The following TMTC2 variants were observed in gnomAD, a reference collection of about 807,000 sequenced individuals.
TMTC2 encodes the protein transmembrane O-mannosyltransferase targeting cadherins 2, also known as protein O-mannosyl-transferase TMTC2.
Under a neutral mutation model 82.4 loss-of-function variants are expected in TMTC2, and 43 were observed. The observed-to-expected ratio is 0.52, with a 90% confidence interval of 0.41 to 0.67. The LOEUF (loss-of-function observed/expected upper bound fraction) is 0.67. Ranked by LOEUF, TMTC2 falls within the 30% of genes least tolerant of loss-of-function variation. TMTC2 has a pLI of 0.00. For missense variants in TMTC2, 919 were observed against 1,012.4 expected, an observed-to-expected ratio of 0.91 and a Z score of 1.25; for synonymous variants, 408 against 381.9, an observed-to-expected ratio of 1.07 and a Z score of -0.80.
intron 1 of TMTC2, among the ~76,000 whole-genome samples, chr12:82,713,127 G>A (rs757751450): frequency 1.4e-4 from 21 of 151,978 alleles, no homozygotes; most frequent in South Asian, 4.2e-4. Context: ...CGAGACCAGC[G>A]TGACCAACAT....
At chr12:82,948,895 T>G (rs887558133) in intron 4 of TMTC2, among the ~76,000 whole-genome samples, 1 of 152,124 alleles carries the variant, frequency 6.6e-6, no homozygotes, top group African/African-American at 2.4e-5. Flanking sequence ...TGAACAAACT[T>G]GTTTAAGTTA....
chr12:82,840,878 C>T (rs908643463), intron 1 of TMTC2, among the ~76,000 whole-genome samples: 1 of 152,198 alleles, frequency 6.6e-6, no homozygotes. Context: ...ATTCCAGGTT[C>T]AAGCAATTCT....
intron 4 of TMTC2, among the ~76,000 whole-genome samples, chr12:82,960,644 A>G (rs79238719): frequency 0.021 from 3,162 of 151,882 alleles, 88 homozygotes; most frequent in African/African-American, 0.072. Context: ...GAGGGAGGAA[A>G]GGAGGAAGGG....
intron 3 of TMTC2, among the ~76,000 whole-genome samples, chr12:82,900,735 ATC>A (rs1873948714): frequency 7.1e-6 from 1 of 141,396 alleles, no homozygotes; most frequent in African/African-American, 2.6e-5. Context: ...AGGAATATAT[ATC>A]TCTGGAATAT....
At chr12:82,982,709 A>G (rs1384595009) in intron 7 of TMTC2, among the ~76,000 whole-genome samples, 1 of 151,990 alleles carries the variant, frequency 6.6e-6, no homozygotes, top group Admixed American at 6.6e-5. Context: ...GATGGATCAC[A>G]AGCTAGAAAA....
intron 1 of TMTC2, among the ~76,000 whole-genome samples, chr12:82,843,236 G>A (rs758629750): frequency 5.3e-5 from 8 of 151,938 alleles, no homozygotes; most frequent in African/African-American, 9.7e-5. Context: ...ACAGGTGCCC[G>A]CCACCACGCC....
chr12:83,030,123 T>A (rs1487442625), intron 8 of TMTC2, among the ~76,000 whole-genome samples: 1 of 152,144 alleles, frequency 6.6e-6, no homozygotes, highest in Non-Finnish European at 1.5e-5. Context: ...ATGCCAAATG[T>A]TGAGGCCAAG....
At chr12:82,741,197 T>A (rs947945480) in intron 1 of TMTC2, among the ~76,000 whole-genome samples, 19 of 152,208 alleles carry the variant, frequency 1.2e-4, no homozygotes, top group Admixed American at 6.5e-5. Flanking sequence ...TAAAAGTTGT[T>A]TATTTGTATT....
At chr12:82,774,310 A>G (rs1877471212) in intron 1 of TMTC2, among the ~76,000 whole-genome samples, 1 of 152,088 alleles carries the variant, frequency 6.6e-6, no homozygotes, top group Non-Finnish European at 1.5e-5. Flanking sequence ...ATAGAAGTTT[A>G]TTTCTTGCTT....
intron 1 of TMTC2, 79 bp downstream of exon 1, chr12:82,687,748 T>G: frequency 7.3e-7 from 1 of 1,373,740 alleles, no homozygotes; most frequent in Non-Finnish European, 1.0e-6. Context: ...TCTTTAAGGC[T>G]CAAAGTGCGT....
intron 7 of TMTC2, among the ~76,000 whole-genome samples, chr12:82,967,933 A>G (rs1878289650): frequency 6.6e-6 from 1 of 152,098 alleles, no homozygotes; most frequent in African/African-American, 2.4e-5. Context: ...TCTATATTTG[A>G]GGAATTTAAT....
chr12:82,806,648 T>C (rs1435248953), intron 1 of TMTC2, among the ~76,000 whole-genome samples: 1 of 152,180 alleles, frequency 6.6e-6, no homozygotes, highest in Non-Finnish European at 1.5e-5. Flanking sequence ...ATGTATTATA[T>C]ACTGTTTTCT....
chr12:82,803,927 G>A (rs1293610832), intron 1 of TMTC2, among the ~76,000 whole-genome samples: 2 of 151,894 alleles, frequency 1.3e-5, no homozygotes, highest in Admixed American at 6.6e-5. Flanking sequence ...AACTTGCCTC[G>A]GTGTCTTTTT....
chr12:82,837,690 A>AT (rs1181557110), intron 1 of TMTC2, among the ~76,000 whole-genome samples: 2 of 152,216 alleles, frequency 1.3e-5, no homozygotes, highest in Admixed American at 1.3e-4. Context: ...GCTTTCCAGT[A>AT]TGTTGCACTA....
chr12:82,850,017 C>T (rs1350584803), intron 1 of TMTC2, among the ~76,000 whole-genome samples: 1 of 151,942 alleles, frequency 6.6e-6, no homozygotes, highest in Non-Finnish European at 1.5e-5. Flanking sequence ...AATTGTGTGG[C>T]CAGTGATGGG....
chr12:82,741,075 C>A (rs781133572), intron 1 of TMTC2, among the ~76,000 whole-genome samples: 1 of 152,122 alleles, frequency 6.6e-6, no homozygotes, highest in Non-Finnish European at 1.5e-5. Context: ...TTAGTGATAC[C>A]CACTTTGAAA....
intron 3 of TMTC2, 115 bp downstream of exon 3, chr12:82,896,761 C>G: frequency 1.4e-6 from 1 of 722,102 alleles, no homozygotes; most frequent in Non-Finnish European, 2.2e-6. Context: ...TTATGCAGTA[C>G]CTGTATCTTT....
chr12:83,089,873 C>A (rs993120128), intron 11 of TMTC2, among the ~76,000 whole-genome samples: 1 of 151,776 alleles, frequency 6.6e-6, no homozygotes, highest in Non-Finnish European at 1.5e-5. Context: ...ATTTTAATCT[C>A]ATTTTTGTCC....
At chr12:82,727,566 C>T (rs974176685) in intron 1 of TMTC2, among the ~76,000 whole-genome samples, 1 of 151,872 alleles carries the variant, frequency 6.6e-6, no homozygotes, top group African/African-American at 2.4e-5. Context: ...AATAAAAATA[C>T]AAAAATTAGC....
Sources: allele counts gnomAD v4.1 joint callset (sites outside exome capture counted in the v4.1 genomes callset), GRCh38; gene constraint gnomAD v4.1.1; transcripts MANE v1.5; gene names NCBI Gene and HGNC (gene_info 2026-07-23, HGNC 2026-07-21).